Variants in PSMD1 observed in about 807,000 individuals in gnomAD.
The protein encoded by PSMD1 is 26S proteasome non-ATPase regulatory subunit 1.
Under a neutral mutation model 119.0 loss-of-function variants are expected in PSMD1, and 18 were observed. The observed-to-expected ratio is 0.15, with a 90% CI of 0.10 to 0.22. The LOEUF is 0.22. PSMD1 is among the 10% of genes least tolerant of loss of function. PSMD1 has a pLI of 1.00. For missense variants in PSMD1, 702 were observed against 1,158.5 expected (o/e 0.61, Z 5.72); for synonymous variants, 374 against 396.6 (o/e 0.94, Z 0.68).
Position 231,163,678 on chromosome 2 carries a change from T to C in PSMD1, c.2432T>C (p.Phe811Ser). The change falls in exon 21 of 25, where the codon TTT (phenylalanine) becomes TCT (serine). Residue 811 changes from phenylalanine to serine, a missense_variant. Coordinates refer to ENST00000308696, the MANE Select transcript of PSMD1 (RefSeq NM_002807.4). ...QYKSNCKPSTFAYPAPLEVPK... is the reference protein window; with the variant it reads ...QYKSNCKPSTSAYPAPLEVPK... ...AAATCGAACTGTAAACCATCCACAT[T>C]TGCATATCCTGCCCCTCTGGAAGTA... 1 of 1,613,354 alleles carries C rather than the reference T, an allele frequency of 6.2e-7. No homozygotes were observed. Among genetic ancestry groups the C allele is most frequent in the Non-Finnish European group, 8.5e-7 (1 of 1,179,434 alleles).
chr2:231,165,136 C>G, intron 21 of PSMD1, 64 bp from the exon 22 acceptor site: 2 of 1,249,880 alleles, frequency 1.6e-6, no homozygotes, highest in Non-Finnish European at 2.1e-6. Context: ...ACTGAGTTCT[C>G]TAGGGCTTGC....
At chr2:231,136,003 GGAGTTT>G (rs1695956589) in intron 16 of PSMD1, among the ~76,000 whole-genome samples, 1 of 152,144 alleles carries the variant, frequency 6.6e-6, no homozygotes, top group South Asian at 2.1e-4. Flanking sequence ...ACCACTGTCT[GGAGTTT>G]GAGGCTGGAG....
Position 231,087,144 on chromosome 2 carries a change from A to C in PSMD1, c.1846A>C (p.Arg616=), listed in dbSNP as rs1266582799. The C allele has an allele frequency of 6.2e-7, 1 of 1,613,564 alleles. No individual in the cohort carries two copies. Among genetic ancestry groups the C allele is most frequent in the Non-Finnish European group, 8.5e-7 (1 of 1,179,792 alleles). The change falls in exon 16 of 25, where the codon AGG becomes CGG. Residue 616 remains arginine, a synonymous_variant. Coordinates refer to ENST00000308696, the MANE Select transcript of PSMD1 (RefSeq NM_002807.4). ...AVSDVNDDVR[R]AAVESLGFIL... is the part of the protein sequence containing the mutation. The stretch of plus-strand genomic sequence containing the variant: ...AAGTGATGTTAATGATGATGTCAGG[A>C]GGGCAGCAGTAGAATCACTTGGGTT...
intron 16 of PSMD1, among the ~76,000 whole-genome samples, chr2:231,115,050 G>C (rs2125216999): frequency 6.6e-6 from 1 of 152,144 alleles, no homozygotes; most frequent in Admixed American, 6.5e-5. Context: ...ATCTGACTTT[G>C]ACAGGTATAA....
intron 16 of PSMD1, among the ~76,000 whole-genome samples, chr2:231,092,513 G>C (rs1287776377): frequency 1.3e-5 from 2 of 152,178 alleles, no homozygotes; most frequent in Admixed American, 6.5e-5. Flanking sequence ...GATGTCCCAG[G>C]CACCATAAAG....
At chr2:231,088,196 T>A (rs556624783) in intron 16 of PSMD1, among the ~76,000 whole-genome samples, 2 of 152,236 alleles carry the variant, frequency 1.3e-5, no homozygotes, top group African/African-American at 4.8e-5. Context: ...AAGAACTAAG[T>A]GTGTATTAAT....
intron 23 of PSMD1, among the ~76,000 whole-genome samples, chr2:231,169,050 G>T (rs1040245967): frequency 6.6e-6 from 1 of 152,102 alleles, no homozygotes; most frequent in Admixed American, 6.6e-5. Flanking sequence ...TGCATAGAGG[G>T]TGTGAACTTT....
At chr2:231,085,183 G>C (rs1254415268) in intron 15 of PSMD1, 69 bp downstream of exon 15, 2 of 1,292,420 alleles carry the variant, frequency 1.5e-6, no homozygotes, top group Non-Finnish European at 2.2e-6. Flanking sequence ...TAAGTGTCTA[G>C]GTGACTCCAG....
intron 17 of PSMD1, chr2:231,139,056 T>C (rs890052261): frequency 5.5e-5 from 35 of 632,304 alleles, no homozygotes; most frequent in Non-Finnish European, 9.7e-5. Context: ...ATTACATGGA[T>C]AGCTGTAACT....
intron 5 of PSMD1, among the ~76,000 whole-genome samples, chr2:231,067,918 A>C (rs1317121740): frequency 6.6e-6 from 1 of 152,020 alleles, no homozygotes; most frequent in Non-Finnish European, 1.5e-5. Flanking sequence ...CAGCCGCCCA[A>C]AGTGCTGGGA....
chr2:231,110,499 G>A (rs1695121537), intron 16 of PSMD1, among the ~76,000 whole-genome samples: 1 of 152,166 alleles, frequency 6.6e-6, no homozygotes, highest in Non-Finnish European at 1.5e-5. Flanking sequence ...TTTTTTAAAT[G>A]TCTGAATTAA....
chr2:231,086,933 A>AAAAATC (rs1491259139), intron 15 of PSMD1, among the ~76,000 whole-genome samples, 184 bp from the exon 16 acceptor site: 1 of 152,114 alleles, frequency 6.6e-6, no homozygotes, highest in Non-Finnish European at 1.5e-5. Context: ...AAATAAAAAT[A>AAAAATC]CATGTGTCTA....
chr2:231,071,449 A>G (rs1482156788), intron 6 of PSMD1, among the ~76,000 whole-genome samples: 1 of 152,076 alleles, frequency 6.6e-6, no homozygotes, highest in Non-Finnish European at 1.5e-5. Context: ...TTAATTGTAT[A>G]CAGTCTTTAA....
intron 16 of PSMD1, among the ~76,000 whole-genome samples, chr2:231,096,713 A>G (rs1338778720): frequency 6.6e-6 from 1 of 152,234 alleles, no homozygotes; most frequent in East Asian, 1.9e-4. Flanking sequence ...ACACTTGGAC[A>G]AGGGAGGGGA....
chr2:231,093,026 G>C lies in PSMD1; in HGVS notation c.1883+5845G>C, dbSNP rs537516271. Among the ~76,000 whole-genome samples, 16 of 152,268 alleles carry C rather than the reference G, an allele frequency of 1.1e-4. 1 individual carries two copies. In the South Asian group the frequency reaches 3.3e-3, roughly 32 times the overall value. ...TGCCATTAATGAGGGACCCCACTGG[G>C]GGTAAGTCAATCCCTCCTAGCCAAG... On this transcript the variant is annotated intron_variant, in intron 16 of 24. Coordinates refer to ENST00000308696, the MANE Select transcript of PSMD1 (RefSeq NM_002807.4).
At chr2:231,098,791 C>G (rs573307676) in intron 16 of PSMD1, among the ~76,000 whole-genome samples, 1 of 152,298 alleles carries the variant, frequency 6.6e-6, no homozygotes, top group South Asian at 2.1e-4. Flanking sequence ...TAAAGGTCAT[C>G]CAGTAGCAGT....
chr2:231,102,405 G>A lies in PSMD1; in HGVS notation c.1883+15224G>A, dbSNP rs907803602. Among the ~76,000 whole-genome samples, 35 of 152,066 alleles carry A rather than the reference G, an allele frequency of 2.3e-4. 1 individual carries two copies. The highest frequency in any genetic ancestry group is 6.0e-4 in the African/African-American group (25 of 41,402). On this transcript the variant is annotated intron_variant, in intron 16 of 24. Transcript: ENST00000308696. ...AACTCTTACACTGTCGAAAATTCAC[G>A]TATAACTTTTGACTCCCCCAAAACT...
chr2:231,081,416 G>A (rs1360091742), intron 12 of PSMD1, among the ~76,000 whole-genome samples: 1 of 152,188 alleles, frequency 6.6e-6, no homozygotes, highest in Non-Finnish European at 1.5e-5. Flanking sequence ...TAGAAAGGCT[G>A]ATGAACTAGT....
chr2:231,075,545 G>C lies in PSMD1; in HGVS notation c.916G>C (p.Ala306Pro). The change falls in exon 8 of 25, where the codon GCA (alanine) becomes CCA (proline). Residue 306 changes from alanine to proline, a missense_variant. By Grantham distance (27) the Ala-to-Pro change is conservative (BLOSUM62 -1). Transcript: ENST00000308696. ...SMETEEKTSS[A>P]FVGKTPEASP... ...GGAAACAGAAGAAAAGACAAGCAGT[G>C]CATTTGTAGGAAAGACACCAGAAGC... 6.2e-7 allele frequency: 1 copy of C among 1,609,646 alleles called. No homozygotes were observed. The highest frequency in any genetic ancestry group is 8.5e-7 in the Non-Finnish European group (1 of 1,178,614).
Sources: gnomAD v4.1 joint callset for allele counts (sites outside exome capture counted in the v4.1 genomes callset) on GRCh38, gnomAD v4.1.1 for gene constraint, MANE v1.5 for transcripts, NCBI Gene and HGNC (gene_info 2026-07-23, HGNC 2026-07-21) for gene names.